OR3A2: variants seen among roughly 807,000 people sequenced by gnomAD.
The protein encoded by OR3A2 is olfactory receptor family 3 subfamily A member 2, also known as olfactory receptor 3A2.
For missense variants in OR3A2, 318 were observed against 392.8 expected (o/e 0.81, Z 1.61); for synonymous variants, 126 against 159.3 (o/e 0.79, Z 1.57).
chr17:3,324,963 C>G (rs2150637876), intron 3 of OR3A2, among the ~76,000 whole-genome samples: 1 of 152,178 alleles, frequency 6.6e-6, no homozygotes, highest in East Asian at 1.9e-4. Flanking sequence ...GACATACAGA[C>G]TTTTACACAG....
At chr17:3,362,745 G>C (rs888536944) in intron 2 of OR3A2, among the ~76,000 whole-genome samples, 1 of 151,640 alleles carries the variant, frequency 6.6e-6, no homozygotes, top group African/African-American at 2.4e-5. Context: ...GAGGTTATCC[G>C]TGATGGCTGA....
chr17:3,338,222 G>A (rs1393217936), intron 2 of OR3A2, among the ~76,000 whole-genome samples: 2 of 152,146 alleles, frequency 1.3e-5, no homozygotes, highest in African/African-American at 4.8e-5. Context: ...TCTGTAGGTT[G>A]CCTGTTCACT....
chr17:3,340,310 C>A (rs999393411), intron 2 of OR3A2, among the ~76,000 whole-genome samples: 6 of 152,152 alleles, frequency 3.9e-5, no homozygotes, highest in African/African-American at 1.4e-4. Context: ...CTTCTGCTAG[C>A]TTTTGAATGT....
intron 3 of OR3A2, among the ~76,000 whole-genome samples, chr17:3,303,163 C>CTTT (rs1396188644): frequency 6.6e-6 from 1 of 152,058 alleles, no homozygotes; most frequent in Non-Finnish European, 1.5e-5. Flanking sequence ...TCACGCCATG[C>CTTT]ATAAAGGTCA....
chr17:3,314,160 T>TC (rs1462138996), intron 3 of OR3A2, among the ~76,000 whole-genome samples: 1 of 152,162 alleles, frequency 6.6e-6, no homozygotes, highest in Non-Finnish European at 1.5e-5. Flanking sequence ...AAGAAGTACC[T>TC]CCTTCTTGCA....
At chr17:3,302,800 C>T (rs2048975112) in intron 3 of OR3A2, among the ~76,000 whole-genome samples, 1 of 152,164 alleles carries the variant, frequency 6.6e-6, no homozygotes, top group South Asian at 2.1e-4. Flanking sequence ...TGGTATCTGT[C>T]ATGCACTGTG....
At chr17:3,354,029 CACTT>C (rs1374743810) in intron 2 of OR3A2, among the ~76,000 whole-genome samples, 2 of 151,732 alleles carry the variant, frequency 1.3e-5, no homozygotes, top group East Asian at 3.9e-4. Flanking sequence ...GGATAAATCT[CACTT>C]AGTTATGATG....
chr17:3,278,091 C>A (rs746919072), exon 2 of OR3A2: 1 of 1,614,184 alleles, frequency 6.2e-7, no homozygotes, highest in African/African-American at 1.3e-5. Flanking sequence ...AACTCCAACC[C>A]CTTTATCCTT....
chr17:3,278,651 C>T, exon 2 of OR3A2: 3 of 1,463,154 alleles, frequency 2.1e-6, no homozygotes, highest in East Asian at 4.7e-5. Flanking sequence ...ACTTGTGGGA[C>T]AAGAGACGAC....
intron 3 of OR3A2, among the ~76,000 whole-genome samples, chr17:3,308,480 C>T (rs1340988856): frequency 6.6e-6 from 1 of 152,112 alleles, no homozygotes; most frequent in East Asian, 1.9e-4. Context: ...AACAGCTTCT[C>T]ACTCCACCCA....
chr17:3,287,476 G>A (rs370831240), upstream of OR3A2, among the ~76,000 whole-genome samples: 275 of 152,100 alleles, frequency 1.8e-3, 2 homozygotes, highest in African/African-American at 6.3e-3. Context: ...TTGAAAACAT[G>A]TTTAATTTTT....
In OR3A2 at chr17:3,346,161, A is replaced by G. The variant is rs147608910; in HGVS notation, c.-178-10035T>C. ...CATTTCACTTAACATAATGTCCTCC[A>G]TGTGCATCCATGTTGTCACAAATGA... On this transcript the variant is annotated intron_variant, in intron 2 of 4. Coordinates refer to the OR3A2 transcript ENST00000573491. Among the ~76,000 whole-genome samples the G allele has an allele frequency of 3.4e-3, 524 of 152,342 alleles. 10 individuals carry two copies. Among genetic ancestry groups the G allele is most frequent in the Admixed American group, 0.031 (469 of 15,300 alleles).
At chr17:3,359,907 A>G (rs1230235010) in intron 2 of OR3A2, among the ~76,000 whole-genome samples, 1 of 151,830 alleles carries the variant, frequency 6.6e-6, no homozygotes, top group Non-Finnish European at 1.5e-5. Context: ...TTATAGCAGC[A>G]TGATTTATAT....
At chr17:3,370,775 C>A (rs1472811875) in intron 2 of OR3A2, among the ~76,000 whole-genome samples, 1 of 151,446 alleles carries the variant, frequency 6.6e-6, no homozygotes, top group Non-Finnish European at 1.5e-5. Context: ...ACCCTGCGGC[C>A]TTCCGCAGTG....
At chr17:3,297,626 C>T (rs1042308596) in intron 3 of OR3A2, among the ~76,000 whole-genome samples, 2 of 151,688 alleles carry the variant, frequency 1.3e-5, no homozygotes, top group African/African-American at 4.9e-5. Context: ...CTCTATAGAG[C>T]ACACCTCCTC....
chr17:3,321,215 T>C (rs2150635702), intron 3 of OR3A2, among the ~76,000 whole-genome samples: 1 of 151,626 alleles, frequency 6.6e-6, no homozygotes, highest in Admixed American at 6.5e-5. Context: ...GGTGTGATTT[T>C]TGTACATTGA....
intron 2 of OR3A2, among the ~76,000 whole-genome samples, chr17:3,348,883 T>C (rs2150652369): frequency 6.6e-6 from 1 of 152,180 alleles, no homozygotes; most frequent in East Asian, 1.9e-4. Context: ...TATTCAACAT[T>C]CTTAAGGAAA....
intron 3 of OR3A2, among the ~76,000 whole-genome samples, chr17:3,328,552 C>T (rs1037125066): frequency 9.0e-5 from 13 of 144,640 alleles, no homozygotes; most frequent in South Asian, 8.8e-4. Flanking sequence ...CCTTTATTTC[C>T]TTCTCCTGCC....
rs561924821 is a variant in OR3A2 at position 3,369,133 on chromosome 17, T to C, written c.-179+14671A>G. On this transcript the variant is annotated intron_variant, in intron 2 of 4. Coordinates refer to the OR3A2 transcript ENST00000573491. Reference sequence around the variant, plus strand: ...TTCATTTATCAGATCTAGGAGCTTTTTGGATGAGTCTTTAGGGTTTTCTAG... The same window carrying C: ...TTCATTTATCAGATCTAGGAGCTTTCTGGATGAGTCTTTAGGGTTTTCTAG... Among the ~76,000 whole-genome samples the C allele has an allele frequency of 2.6e-5, 4 of 152,336 alleles. No homozygotes were observed. The East Asian group carries it at 5.8e-4, about 22-fold the overall frequency.
Sources: allele counts gnomAD v4.1 joint callset (sites outside exome capture counted in the v4.1 genomes callset), GRCh38; gene constraint gnomAD v4.1.1; transcripts MANE v1.5; gene names NCBI Gene and HGNC (gene_info 2026-07-23, HGNC 2026-07-21).